Variants in PSMA1 observed in about 807,000 individuals in gnomAD.
PSMA1 encodes the protein proteasome 20S subunit alpha 1.
In PSMA1, 3 loss-of-function variants were observed where a neutral mutation model predicts 38.4. The observed-to-expected ratio is 0.08, with a 90% CI of 0.04 to 0.20. The LOEUF is 0.20. Ranked by LOEUF, PSMA1 falls within the 10% of genes least tolerant of loss-of-function variation. The pLI is 1.00. For synonymous variants in PSMA1, 101 were observed against 107.1 expected (o/e 0.94, Z 0.35); for missense variants, 227 against 325.3 (o/e 0.70, Z 2.32).
At chr11:14,556,110 T>C (rs1004941715) in intron 2 of PSMA1, among the ~76,000 whole-genome samples, 1 of 152,220 alleles carries the variant, frequency 6.6e-6, no homozygotes, top group Admixed American at 6.5e-5. Flanking sequence ...CCCCCTTTTG[T>C]TGGATCTCCT....
At chr11:14,585,743 C>T (rs1334798229) in intron 2 of PSMA1, among the ~76,000 whole-genome samples, 1 of 152,154 alleles carries the variant, frequency 6.6e-6, no homozygotes, top group Non-Finnish European at 1.5e-5. Context: ...CTCTGTGATC[C>T]CATGGCATAT....
At chr11:14,590,248 T>A (rs1459303505) in intron 2 of PSMA1, among the ~76,000 whole-genome samples, 1 of 152,060 alleles carries the variant, frequency 6.6e-6, no homozygotes, top group African/African-American at 2.4e-5. Context: ...ATGAAAAGAG[T>A]TCTAGTGATG....
chr11:14,505,338 G>T, intron 9 of PSMA1, 90 bp from the exon 10 acceptor site: 1 of 1,072,322 alleles, frequency 9.3e-7, no homozygotes, highest in Non-Finnish European at 1.4e-6. Context: ...ATTAAAAATT[G>T]AGAAAAAGGG....
At chr11:14,629,016 T>G (rs1277699721) in intron 1 of PSMA1, among the ~76,000 whole-genome samples, 19 of 151,042 alleles carry the variant, frequency 1.3e-4, no homozygotes, top group Admixed American at 3.3e-4. Context: ...ATGGGGTTGT[T>G]TGTTTTTTTC....
At chr11:14,532,902 A>T (rs927467414) in intron 2 of PSMA1, among the ~76,000 whole-genome samples, 6 of 150,974 alleles carry the variant, frequency 4.0e-5, no homozygotes, top group African/African-American at 1.2e-4. Context: ...AAAAAAAAAA[A>T]TTTAAAAAAA....
chr11:14,513,957 T>C (rs1851387101), intron 5 of PSMA1, 70 bp from the exon 6 acceptor site: 2 of 1,470,006 alleles, frequency 1.4e-6, no homozygotes, highest in South Asian at 1.4e-5. Flanking sequence ...TTATACATTA[T>C]TAACAAAGGT....
intron 2 of PSMA1, among the ~76,000 whole-genome samples, chr11:14,569,510 A>G (rs1222618116): frequency 1.3e-5 from 2 of 152,194 alleles, no homozygotes; most frequent in Non-Finnish European, 2.9e-5. Flanking sequence ...CACTCCCACC[A>G]TAACACTGCA....
At chr11:14,505,836 C>T (rs1039829456) in intron 9 of PSMA1, among the ~76,000 whole-genome samples, 3 of 152,010 alleles carry the variant, frequency 2.0e-5, no homozygotes, top group African/African-American at 7.3e-5. Context: ...GAGATCCCAT[C>T]TCTACTAAAA....
At chr11:14,512,832 A>T (rs2597215) in intron 7 of PSMA1, among the ~76,000 whole-genome samples, 101,284 of 152,114 alleles carry the variant, frequency 0.67, 33,954 homozygotes, top group African/African-American at 0.71. Context: ...GGGACCCCAA[A>T]CCATTTACCA....
chr11:14,573,297 C>G (rs1231250300), intron 2 of PSMA1, among the ~76,000 whole-genome samples: 1 of 152,284 alleles, frequency 6.6e-6, no homozygotes. Flanking sequence ...AGCAGCACAT[C>G]AAAAAGCTTA....
chr11:14,607,653 C>T (rs1201918911), intron 2 of PSMA1, among the ~76,000 whole-genome samples: 2 of 152,058 alleles, frequency 1.3e-5, no homozygotes, highest in African/African-American at 4.8e-5. Context: ...CAGGTGAAGG[C>T]AGGGAATGCC....
intron 2 of PSMA1, among the ~76,000 whole-genome samples, chr11:14,581,835 G>A (rs1294865397): frequency 3.9e-5 from 6 of 152,020 alleles, no homozygotes; most frequent in African/African-American, 1.5e-4. Flanking sequence ...AATTTTATTC[G>A]CAGGCAGTTT....
Position 14,551,297 on chromosome 11 carries a change from AC to A in PSMA1, c.22-32257del, listed in dbSNP as rs527380278. Among the ~76,000 whole-genome samples, 15 of 152,328 alleles carry A rather than the reference AC, an allele frequency of 9.8e-5. No individual in the cohort carries two copies. The South Asian group carries it at 3.1e-3, about 32-fold the overall frequency. On this transcript the variant is annotated intron_variant, in intron 2 of 10. Transcript: ENST00000418988. ...GGATGTGATGGGTACAGGAAGGCTA[AC>A]CCAAAAGCAAAGAAATTATATGGCT...
intron 1 of PSMA1, among the ~76,000 whole-genome samples, chr11:14,635,671 A>G (rs892027455): frequency 6.6e-6 from 1 of 152,200 alleles, no homozygotes; most frequent in Admixed American, 6.5e-5. Flanking sequence ...AGATCATTTC[A>G]ATGATCTTAC....
intron 1 of PSMA1, among the ~76,000 whole-genome samples, chr11:14,623,361 T>C (rs1489887732): frequency 1.3e-5 from 2 of 152,230 alleles, no homozygotes; most frequent in Non-Finnish European, 2.9e-5. Flanking sequence ...CATTCAAGGA[T>C]AGCCTTGAAA....
chr11:14,520,019 C>G (rs953764728), intron 1 of PSMA1: 2 of 570,808 alleles, frequency 3.5e-6, no homozygotes, highest in Admixed American at 6.1e-5. Context: ...ATCTACTCCA[C>G]TGAAGGAACC....
intron 4 of PSMA1, 27 bp from the exon 5 acceptor site, chr11:14,514,518 T>G (rs1422622377): frequency 4.8e-6 from 7 of 1,468,630 alleles, no homozygotes; most frequent in Non-Finnish European, 4.6e-6. Flanking sequence ...AAAAGTTTAG[T>G]AATTTCAAAT....
intron 1 of PSMA1, among the ~76,000 whole-genome samples, chr11:14,616,274 C>T (rs973994123): frequency 1.9e-4 from 27 of 144,114 alleles, no homozygotes; most frequent in African/African-American, 6.6e-4. Flanking sequence ...TGCTCTGTCA[C>T]CCAGGCTGGA....
upstream of PSMA1, among the ~76,000 whole-genome samples, chr11:14,522,587 T>G (rs1851542473): frequency 6.6e-6 from 1 of 152,160 alleles, no homozygotes; most frequent in Non-Finnish European, 1.5e-5. Context: ...ACCTGTTTCT[T>G]TAATTTTTAA....
Sources: allele counts gnomAD v4.1 joint callset (sites outside exome capture counted in the v4.1 genomes callset), GRCh38; gene constraint gnomAD v4.1.1; transcripts MANE v1.5; gene names NCBI Gene and HGNC (gene_info 2026-07-23, HGNC 2026-07-21).